The following UBAP2L variants were observed in gnomAD, a reference collection of about 807,000 sequenced individuals.
The protein encoded by UBAP2L is ubiquitin-associated protein 2-like.
Under a neutral mutation model 130.6 loss-of-function variants are expected in UBAP2L, and 12 were observed. The ratio of observed to expected loss-of-function variants is 0.09; its 90% CI spans 0.06 to 0.15. UBAP2L has a LOEUF of 0.15. UBAP2L is among the 10% of genes least tolerant of loss of function. The pLI, the probability that UBAP2L is intolerant of heterozygous loss-of-function variation, is 1.00. For missense variants in UBAP2L, 965 were observed against 1,332.5 expected, an observed-to-expected ratio of 0.72 and a Z score of 4.29; for synonymous variants, 503 against 524.7, an observed-to-expected ratio of 0.96 and a Z score of 0.57.
chr1:154,258,122 C>T (rs1050455301), intron 20 of UBAP2L, among the ~76,000 whole-genome samples: 4 of 152,074 alleles, frequency 2.6e-5, no homozygotes, highest in African/African-American at 7.2e-5. Context: ...GGTGTGCATC[C>T]CCATGCCTGG....
intron 22 of UBAP2L, among the ~76,000 whole-genome samples, chr1:154,260,413 T>A (rs1681157591): frequency 6.6e-6 from 1 of 152,218 alleles, no homozygotes; most frequent in Non-Finnish European, 1.5e-5. Context: ...GTGGTTGAGG[T>A]GGTCTTCTCT....
intron 11 of UBAP2L, among the ~76,000 whole-genome samples, chr1:154,247,501 G>A (rs979674849): frequency 3.9e-5 from 6 of 152,208 alleles, no homozygotes; most frequent in African/African-American, 1.4e-4. Flanking sequence ...TGTGATCTAT[G>A]TCTCTTAATT....
At chr1:154,258,127 G>A (rs1475606018) in intron 20 of UBAP2L, among the ~76,000 whole-genome samples, 2 of 152,062 alleles carry the variant, frequency 1.3e-5, no homozygotes, top group Non-Finnish European at 2.9e-5. Flanking sequence ...GCATCCCCAT[G>A]CCTGGCTAAG....
upstream of UBAP2L, chr1:154,220,178 G>C: frequency 1.1e-6 from 1 of 913,314 alleles, no homozygotes; most frequent in Non-Finnish European, 1.8e-6. Context: ...GGGCGGGTCG[G>C]CCCGACTAAG....
Position 154,257,049 on chromosome 1 carries a change from T to TC in UBAP2L, c.2158-9dup. 5.6e-6 allele frequency: 9 copies of TC among 1,609,678 alleles called. No homozygotes were observed. The highest frequency in any genetic ancestry group is 7.6e-6 in the Non-Finnish European group (9 of 1,178,194). On this transcript the variant is annotated splice_polypyrimidine_tract_variant and intron_variant, in intron 18 of 26. Transcript: ENST00000428931. ...CTTTTCTTCTTCTCTCTTCCACTGC[T>TC]CCCCCTTTTGAAGCACACAAGTGTG...
chr1:154,235,102 A>T (rs1179773679), intron 5 of UBAP2L, 94 bp from the exon 6 acceptor site: 4 of 679,824 alleles, frequency 5.9e-6, no homozygotes, highest in Non-Finnish European at 1.1e-5. Context: ...CATACCATTT[A>T]TATATTTGTA....
chr1:154,255,422 A>G, intron 17 of UBAP2L, 96 bp downstream of exon 17: 1 of 1,475,934 alleles, frequency 6.8e-7, no homozygotes, highest in Non-Finnish European at 9.1e-7. Flanking sequence ...AGACCACATT[A>G]GCCCTGCTTT....
rs114992998 is a variant in UBAP2L at position 154,225,475 on chromosome 1, T to G, written c.90+262T>G. Among the ~76,000 whole-genome samples the G allele has an allele frequency of 6.1e-3, 927 of 152,220 alleles. 7 individuals carry two copies. Among genetic ancestry groups the G allele is most frequent in the African/African-American group, 0.017 (700 of 41,544 alleles). ...GGTCCTGTGCTTTTTATCTTTTTTT[T>G]TTTTGTTTTGTTTTAAGATAGGAGC... On this transcript the variant is annotated intron_variant, in intron 2 of 26. Transcript: ENST00000428931.
intron 11 of UBAP2L, among the ~76,000 whole-genome samples, chr1:154,247,412 C>A (rs760486431): frequency 1.3e-5 from 2 of 151,992 alleles, no homozygotes; most frequent in South Asian, 4.1e-4. Flanking sequence ...GAAAATAGGA[C>A]AAAGGTTGTA....
chr1:154,270,378 G>C lies in UBAP2L; in HGVS notation c.*83G>C. 6.3e-7 allele frequency: 1 copy of C among 1,585,992 alleles called. No homozygotes were observed. The highest frequency in any genetic ancestry group is 8.6e-7 in the Non-Finnish European group (1 of 1,168,656). On this transcript the variant is annotated 3_prime_UTR_variant, in exon 27 of 27. Transcript: ENST00000428931. ...TATGGAAACAGCATCAAAGAGAAAG[G>C]AATGTGGGGGGTTTCCGCTGCCCCC...
intron 4 of UBAP2L, among the ~76,000 whole-genome samples, chr1:154,230,714 G>T (rs1669565272): frequency 6.6e-6 from 1 of 152,178 alleles, no homozygotes; most frequent in African/African-American, 2.4e-5. Context: ...ATAAGCTGGA[G>T]AATATAGGTT....
chr1:154,220,880 CGA>C (rs1665659827), upstream of UBAP2L: 1 of 103,180 alleles, frequency 9.7e-6, no homozygotes, highest in East Asian at 2.8e-4. Flanking sequence ...AGAGCGAGCG[CGA>C]GAGGGAAAAG....
intron 20 of UBAP2L, 67 bp downstream of exon 20, chr1:154,257,501 G>A (rs1680031181): frequency 6.4e-7 from 1 of 1,561,584 alleles, no homozygotes; most frequent in Admixed American, 1.7e-5. Flanking sequence ...TATAGCTCTG[G>A]CTTCAGATGG....
At chr1:154,225,737 T>C (rs1667708308) in intron 2 of UBAP2L, among the ~76,000 whole-genome samples, 1 of 152,212 alleles carries the variant, frequency 6.6e-6, no homozygotes, top group African/African-American at 2.4e-5. Context: ...TCTATAACTC[T>C]TAAGATAGCA....
At chr1:154,253,783 A>C in intron 14 of UBAP2L, 117 bp from the exon 15 acceptor site, 1 of 1,083,176 alleles carries the variant, frequency 9.2e-7, no homozygotes, top group East Asian at 2.8e-5. Flanking sequence ...TTGTTGCTGA[A>C]AAATTTCTTC....
At chr1:154,247,499 A>G (rs552231085) in intron 11 of UBAP2L, among the ~76,000 whole-genome samples, 11 of 152,330 alleles carry the variant, frequency 7.2e-5, no homozygotes, top group East Asian at 1.9e-4. Context: ...TATGTGATCT[A>G]TGTCTCTTAA....
At chr1:154,259,731 A>G (rs1253403443) in intron 21 of UBAP2L, 1 of 698,302 alleles carries the variant, frequency 1.4e-6, no homozygotes, top group Non-Finnish European at 2.6e-6. Flanking sequence ...TCAAGTGGGC[A>G]TACCCGTAGA....
At position 154,260,980 on chromosome 1, in the gene UBAP2L, T is replaced by C. The variant is rs146701910; in HGVS notation, c.2667T>C (p.Thr889=). The C allele has an allele frequency of 2.5e-5, 40 of 1,614,122 alleles. No homozygotes were observed. The African/African-American group carries it at 5.3e-4, about 22-fold the overall frequency. Residue 889 remains threonine (T), a synonymous_variant, in exon 23 of 27, where the codon ACT becomes ACC. Coordinates refer to ENST00000428931, the MANE Select transcript of UBAP2L (RefSeq NM_014847.4). ...AACCCCAACAGAACCAGACGCAGACTCACCATACCACGCAGCAGACATTCC... is the reference window on the plus strand; with the variant it reads ...AACCCCAACAGAACCAGACGCAGACCCACCATACCACGCAGCAGACATTCC... The part of the protein sequence containing the change: ...LAQPQQNQTQ[T]HHTTQQTFLN...
At position 154,253,977 on chromosome 1, in the gene UBAP2L, A is replaced by G. The variant is rs1204543913; in HGVS notation, c.1742A>G (p.Tyr581Cys). ...AGCGGCCCAATTCAGTCGACAACCT[A>G]TACCTCCCAAAATAATGCTCAGGGC... ...YQSGPIQSTT[Y>C]TSQNNAQGPL... Residue 581 changes from tyrosine to cysteine, a missense_variant, in exon 15 of 27, where the codon TAT becomes TGT. This residue lies in a region of UBAP2L where 393 missense variants were observed against 408.1 expected (regional missense o/e 0.96). Transcript: ENST00000428931. The G allele has an allele frequency of 6.2e-6, 10 of 1,613,984 alleles. No individual in the cohort carries two copies. Among genetic ancestry groups the G allele is most frequent in the Non-Finnish European group, 8.5e-6 (10 of 1,179,972 alleles).
Sources: gnomAD v4.1 joint callset for allele counts (sites outside exome capture counted in the v4.1 genomes callset) on GRCh38, gnomAD v4.1.1 for gene constraint, gnomAD v4.1.1 regional missense constraint, MANE v1.5 for transcripts, NCBI Gene and HGNC (gene_info 2026-07-23, HGNC 2026-07-21) for gene names.